Variants in BRAF observed in about 807,000 individuals in gnomAD.
BRAF encodes B-Raf proto-oncogene, serine/threonine kinase.
BRAF carries 16 observed loss-of-function variants against 104.6 expected under a neutral mutation model. The observed-to-expected ratio is 0.15, with a 90% CI of 0.10 to 0.23. BRAF has a LOEUF of 0.23. BRAF is among the 10% of genes least tolerant of loss of function. The probability of loss-of-function intolerance (pLI) is 1.00; values close to 1 mark genes in which losing one functional copy is unlikely to be tolerated. For missense variants in BRAF, 541 were observed against 937.3 expected (o/e 0.58, Z 5.52); for synonymous variants, 310 against 341.6 (o/e 0.91, Z 1.02).
chr7:140,750,144 G>A (rs1462816452), intron 16 of BRAF, among the ~76,000 whole-genome samples: 4 of 152,176 alleles, frequency 2.6e-5, no homozygotes, highest in African/African-American at 4.8e-5. Flanking sequence ...ACAATAAACA[G>A]TTGGTTAATT....
intron 12 of BRAF, among the ~76,000 whole-genome samples, chr7:140,779,377 C>G (rs557620594): frequency 2.3e-4 from 35 of 152,176 alleles, no homozygotes; most frequent in Non-Finnish European, 3.7e-4. Flanking sequence ...GCTGGGAGTA[C>G]AGGCACATGC....
At chr7:140,903,181 C>T (rs559525247) in intron 1 of BRAF, among the ~76,000 whole-genome samples, 171 of 152,250 alleles carry the variant, frequency 1.1e-3, no homozygotes, top group Middle Eastern at 3.4e-3. Context: ...CCACCTCGGC[C>T]TCCCAAAGTG....
intron 1 of BRAF, among the ~76,000 whole-genome samples, chr7:140,882,757 C>T (rs1813084015): frequency 6.6e-6 from 1 of 151,824 alleles, no homozygotes; most frequent in Admixed American, 6.5e-5. Context: ...CTTTGGGAGG[C>T]CGAGGCGGGT....
chr7:140,723,998 T>G lies in BRAF; in HGVS notation c.*2496A>C. 1.9e-6 allele frequency: 2 copies of G among 1,042,102 alleles called. No homozygotes were observed. The highest frequency in any genetic ancestry group is 2.3e-6 in the Non-Finnish European group (2 of 864,412). The allele number at this position is 1,042,102 out of a possible 1,614,324, so 64.6% of individuals were successfully genotyped here. ...TAGAAAAAGGAAGAAAAGAGAGGTTTAAATATTTTATTTTTTAAGGTATCT... is the reference window on the plus strand; with the variant it reads ...TAGAAAAAGGAAGAAAAGAGAGGTTGAAATATTTTATTTTTTAAGGTATCT... On this transcript the variant is annotated 3_prime_UTR_variant, in exon 20 of 20. Coordinates refer to ENST00000644969, the MANE Select transcript of BRAF (RefSeq NM_001374258.1).
chr7:140,785,198 C>T (rs183812578), intron 10 of BRAF, among the ~76,000 whole-genome samples: 2 of 152,088 alleles, frequency 1.3e-5, no homozygotes, highest in East Asian at 1.9e-4. Context: ...AAAAACACTG[C>T]TAGTATTACA....
At chr7:140,884,386 G>A (rs1314699381) in intron 1 of BRAF, among the ~76,000 whole-genome samples, 1 of 150,276 alleles carries the variant, frequency 6.7e-6, no homozygotes. Context: ...CCATTACAGG[G>A]ACTCTGATTT....
At chr7:140,761,483 A>C (rs1368086311) in intron 14 of BRAF, among the ~76,000 whole-genome samples, 2 of 152,068 alleles carry the variant, frequency 1.3e-5, no homozygotes, top group Admixed American at 1.3e-4. Flanking sequence ...GCATCAACTA[A>C]CGAGCAAAAT....
In BRAF at chr7:140,725,069, T is replaced by C; in HGVS notation, c.*1425A>G. ...ATCCCTAAAATTGCTCTATTCTCTG[T>C]CTGGGAATTCAGCTGCCAAATTGCC... On this transcript the variant is annotated 3_prime_UTR_variant, in exon 20 of 20. Coordinates refer to ENST00000644969, the MANE Select transcript of BRAF (RefSeq NM_001374258.1). The C allele has an allele frequency of 9.6e-7, 1 of 1,046,020 alleles. No individual in the cohort carries two copies. Among genetic ancestry groups the C allele is most frequent in the Non-Finnish European group, 1.2e-6 (1 of 867,100 alleles). The allele number at this position is 1,046,020 out of a possible 1,614,324, so 64.8% of individuals were successfully genotyped here. A position where few individuals can be genotyped will look rare whatever the true frequency, so the allele number is the denominator to read the frequency against.
chr7:140,871,488 A>C (rs1033178893), intron 1 of BRAF, among the ~76,000 whole-genome samples: 8 of 152,074 alleles, frequency 5.3e-5, no homozygotes, highest in Non-Finnish European at 8.8e-5. Flanking sequence ...ACTAGAAATT[A>C]ATGGATTTTT....
intron 1 of BRAF, among the ~76,000 whole-genome samples, chr7:140,853,860 A>G (rs1809471987): frequency 6.6e-6 from 1 of 152,182 alleles, no homozygotes; most frequent in Non-Finnish European, 1.5e-5. Flanking sequence ...CCACTCCCCA[A>G]CAGAATGAAG....
intron 1 of BRAF, among the ~76,000 whole-genome samples, chr7:140,899,435 AT>A (rs1220327074): frequency 6.6e-6 from 1 of 152,006 alleles, no homozygotes; most frequent in Admixed American, 6.6e-5. Flanking sequence ...TTTCCAAAGG[AT>A]TTTTCCCCCC....
chr7:140,722,345 AC>A lies in BRAF; in HGVS notation c.*4148del. On this transcript the variant is annotated 3_prime_UTR_variant, in exon 20 of 20. Coordinates refer to ENST00000644969, the MANE Select transcript of BRAF (RefSeq NM_001374258.1). The stretch of plus-strand genomic sequence containing the variant: ...AAATTGCACTCTAAAAATTATTAAC[AC>A]AGCTGAGTTAAACCAGAGTGGCTGC... The A allele has an allele frequency of 9.5e-7, 1 of 1,055,052 alleles. No homozygotes were observed. Among genetic ancestry groups the A allele is most frequent in the Non-Finnish European group, 1.1e-6 (1 of 872,880 alleles). 65.4% of individuals were successfully genotyped at this position (1,055,052 alleles called of 1,614,324 possible). A position where few individuals can be genotyped will look rare whatever the true frequency, so the allele number is the denominator to read the frequency against.
At chr7:140,778,698 T>A (rs1646276474) in intron 12 of BRAF, among the ~76,000 whole-genome samples, 2 of 143,878 alleles carry the variant, frequency 1.4e-5, no homozygotes, top group African/African-American at 2.7e-5. Context: ...AAAAGTATAA[T>A]AATAATAAAA....
chr7:140,742,948 T>C (rs1305744468), intron 17 of BRAF, among the ~76,000 whole-genome samples: 1 of 152,032 alleles, frequency 6.6e-6, no homozygotes, highest in Non-Finnish European at 1.5e-5. Context: ...AAGACATTTA[T>C]GCAGCCAAAA....
At chr7:140,777,358 T>C (rs529739367) in intron 13 of BRAF, among the ~76,000 whole-genome samples, 1 of 152,352 alleles carries the variant, frequency 6.6e-6, no homozygotes, top group South Asian at 2.1e-4. Flanking sequence ...CACTCAGTTG[T>C]AGCTGACTCT....
chr7:140,766,220 C>G (rs1028204684), intron 14 of BRAF, among the ~76,000 whole-genome samples: 2 of 151,340 alleles, frequency 1.3e-5, no homozygotes, highest in Admixed American at 6.6e-5. Flanking sequence ...TGTTCTCACT[C>G]ATAGATGGGA....
chr7:140,888,417 A>C (rs975830586), intron 1 of BRAF, among the ~76,000 whole-genome samples: 11 of 148,468 alleles, frequency 7.4e-5, no homozygotes, highest in African/African-American at 2.8e-4. Flanking sequence ...CTTAAAATTA[A>C]TTCCTACAAA....
At position 140,719,576 on chromosome 7, in the gene BRAF, G is replaced by A; in HGVS notation, c.*6918C>T. ...AAGTACAAATGAAGGGACCTGAGCA[G>A]GAAAGAGAACCAAAGTATCAGGAAG... On this transcript the variant is annotated 3_prime_UTR_variant, in exon 20 of 20. Coordinates refer to ENST00000644969, the MANE Select transcript of BRAF (RefSeq NM_001374258.1). The A allele has an allele frequency of 3.8e-6, 4 of 1,056,242 alleles. No individual in the cohort carries two copies. The highest frequency in any genetic ancestry group is 4.2e-4 in the Middle Eastern group (1 of 2,372). The allele number at this position is 1,056,242 out of a possible 1,614,324, so 65.4% of individuals were successfully genotyped here.
At chr7:140,800,841 G>T (rs1018190513) in intron 6 of BRAF, among the ~76,000 whole-genome samples, 2 of 152,114 alleles carry the variant, frequency 1.3e-5, no homozygotes, top group African/African-American at 4.8e-5. Flanking sequence ...ATCAAGAAAA[G>T]TAAGACTTTA....
Sources: gnomAD v4.1 joint callset for allele counts (sites outside exome capture counted in the v4.1 genomes callset) on GRCh38, gnomAD v4.1.1 for gene constraint, MANE v1.5 for transcripts, NCBI Gene and HGNC (gene_info 2026-07-23, HGNC 2026-07-21) for gene names.